The following E2F8 variants were observed in gnomAD, a reference collection of about 807,000 sequenced individuals.
The protein encoded by E2F8 is transcription factor E2F8.
Under a neutral mutation model 80.8 loss-of-function variants are expected in E2F8, and 35 were observed. That is an observed-to-expected ratio of 0.43 (90% CI 0.33 to 0.57). E2F8 has a LOEUF of 0.57. Ranked by LOEUF, E2F8 falls within the 20% of genes least tolerant of loss-of-function variation. The pLI is 0.04. For missense variants in E2F8, 975 were observed against 1,056.2 expected (o/e 0.92, Z 1.07); for synonymous variants, 386 against 395.0 (o/e 0.98, Z 0.27).
rs1851174926 is a variant in E2F8, at chr11:19,224,471, GTGT to G, written c.*184_*186del. 6.8e-6 allele frequency: 1 copy of G among 147,878 alleles called. No individual in the cohort carries two copies. The highest frequency in any genetic ancestry group is 6.8e-5 in the East Asian group (1 of 14,600). The allele number at this position is 147,878 out of a possible 1,614,324, so 9.2% of individuals were successfully genotyped here. ...TAAACTTAGCTTTATACAAATATATGTGTGTGTGTGTGTGTGTGTGTGTGTGTA... is the reference window on the plus strand; with the variant it reads ...TAAACTTAGCTTTATACAAATATATGGTGTGTGTGTGTGTGTGTGTGTGTA... On this transcript the variant is annotated 3_prime_UTR_variant, in exon 13 of 13. Transcript: ENST00000250024.
upstream of E2F8, chr11:19,241,556 G>C (rs1195134560): frequency 6.6e-6 from 1 of 152,456 alleles, no homozygotes; most frequent in East Asian, 1.9e-4. The surrounding 1 kb of genome is among the most constrained non-coding windows in gnomAD (Gnocchi z 4.5). Flanking sequence ...CCGGGACCGG[G>C]ACTGGCGGGC....
chr11:19,232,288 C>T lies in E2F8; in HGVS notation c.1012G>A (p.Gly338Ser). The T allele has an allele frequency of 6.2e-7, 1 of 1,614,188 alleles. No individual in the cohort carries two copies. The highest frequency in any genetic ancestry group is 8.5e-7 in the Non-Finnish European group (1 of 1,180,036). ...IKKVHVTEER[G>S]RKPAFKWTGP... Reference sequence around the variant, plus strand: ...GTCCATTTGAAAGCTGGTTTTCGGCCTCTTTCCTCTGTAACATGAACTTTC... The same window carrying T: ...GTCCATTTGAAAGCTGGTTTTCGGCTTCTTTCCTCTGTAACATGAACTTTC... The change falls in exon 7 of 13, where the codon GGC (glycine) becomes AGC (serine). Residue 338 changes from glycine to serine, a missense_variant. Physicochemically the swap from Gly to Ser is moderately conservative, Grantham distance 56 (BLOSUM62 0). Coordinates refer to ENST00000250024, the MANE Select transcript of E2F8 (RefSeq NM_024680.4).
At chr11:19,227,232 T>TA (rs2133556251) in intron 10 of E2F8, among the ~76,000 whole-genome samples, 1 of 152,314 alleles carries the variant, frequency 6.6e-6, no homozygotes, top group African/African-American at 2.4e-5. Context: ...AAGCTAAAAG[T>TA]ATACTACAAG....
At position 19,225,732 on chromosome 11, in the gene E2F8, C is replaced by T. The variant is rs1437937270; in HGVS notation, c.2026G>A (p.Gly676Ser). The change falls in exon 11 of 13, where the codon GGT becomes AGT. Residue 676 changes from glycine to serine, a missense_variant and splice_region_variant. Gly to Ser is a moderately conservative substitution (Grantham distance 56). Transcript: ENST00000250024. Reference protein sequence around the residue: ...NHRIYSSPIAGVIPVTSSELT... With the variant: ...NHRIYSSPIASVIPVTSSELT... The stretch of plus-strand genomic sequence containing the variant: ...TGGTTAGTGTTTTATGTGCACTCAC[C>T]TGCAATTGGGGAGCTGTAAATCCTG... 1 of 1,614,138 alleles carries T rather than the reference C, an allele frequency of 6.2e-7. No homozygotes were observed. The highest frequency in any genetic ancestry group is 1.1e-5 in the South Asian group (1 of 91,068).
At position 19,237,897 on chromosome 11, in the gene E2F8, A is replaced by G. The variant is rs1387265508; in HGVS notation, c.251T>C (p.Phe84Ser). The change falls in exon 3 of 13, where the codon TTT becomes TCT. Residue 84 changes from phenylalanine (F) to serine (S), a missense_variant. Transcript: ENST00000250024. Reference sequence around the variant, plus strand: ...CTCAGGTAATCCACTTCTGTTGTCAAACAAACCCCTTTTCTGATCTCTGTT... The same window carrying G: ...CTCAGGTAATCCACTTCTGTTGTCAGACAAACCCCTTTTCTGATCTCTGTT... ...IRNRDQKRGLFDNRSGLPEAK... is the reference protein window; with the variant it reads ...IRNRDQKRGLSDNRSGLPEAK... 5.6e-6 allele frequency: 9 copies of G among 1,613,942 alleles called. No individual in the cohort carries two copies. The East Asian group carries it at 1.3e-4, about 24-fold the overall frequency.
At chr11:19,226,422 G>GGCACACAGCA (rs1209696252) in intron 10 of E2F8, among the ~76,000 whole-genome samples, 1 of 152,138 alleles carries the variant, frequency 6.6e-6, no homozygotes, top group Non-Finnish European at 1.5e-5. Flanking sequence ...CTCCAAGTGG[G>GGCACACAGCA]GCACACAGCA....
rs1008081881 is a variant in E2F8 at position 19,233,922 on chromosome 11, G to T, written c.928+438C>A. The stretch of plus-strand genomic sequence containing the variant: ...TCCCAAAATTTGGGAGGCCGAGGTG[G>T]GTGGATCACGAGGTCAAGAGATCGA... On this transcript the variant is annotated intron_variant, in intron 6 of 12. Transcript: ENST00000250024. 1.5e-4 allele frequency among the ~76,000 whole-genome samples: 22 copies of T among 151,498 alleles called. No homozygotes were observed. The South Asian group carries it at 4.4e-3, about 30-fold the overall frequency.
chr11:19,229,826 T>A lies in E2F8; in HGVS notation c.1521A>T (p.Ala507=). The stretch of plus-strand genomic sequence containing the variant: ...GGGCCTGAGGTAGGATCAGGGGCAC[T>A]GCTGATGACAAGGGGCTGGGGATCA... The part of the protein sequence containing the change: ...VPLIPSPLSS[A]VPLILPQAPS... Residue 507 remains alanine (A), a synonymous_variant, in exon 10 of 13, where the codon GCA becomes GCT. Coordinates refer to ENST00000250024, the MANE Select transcript of E2F8 (RefSeq NM_024680.4). This position sits in a 1 kb window ranked among gnomAD's most constrained non-coding sequence, Gnocchi z 4.3. The A allele has an allele frequency of 6.2e-7, 1 of 1,613,898 alleles. No individual in the cohort carries two copies. The highest frequency in any genetic ancestry group is 8.5e-7 in the Non-Finnish European group (1 of 1,179,922).
At chr11:19,238,761 G>A (rs1336652551) in intron 2 of E2F8, among the ~76,000 whole-genome samples, 2 of 152,192 alleles carry the variant, frequency 1.3e-5, no homozygotes, top group Admixed American at 6.5e-5. Flanking sequence ...TCTGCTCTTT[G>A]AACATCCACT....
intron 6 of E2F8, among the ~76,000 whole-genome samples, chr11:19,233,385 T>C (rs1851428379): frequency 6.6e-6 from 1 of 152,104 alleles, no homozygotes; most frequent in African/African-American, 2.4e-5. Flanking sequence ...ATTTTATGAG[T>C]CATTTATAAA....
At chr11:19,235,418 G>A (rs764319275) in intron 4 of E2F8, among the ~76,000 whole-genome samples, 1 of 152,222 alleles carries the variant, frequency 6.6e-6, no homozygotes, top group Non-Finnish European at 1.5e-5. Context: ...GGAGGCCGAG[G>A]AGGGCGGATC....
At position 19,229,930 on chromosome 11, in the gene E2F8, C is replaced by T; in HGVS notation, c.1417G>A (p.Ala473Thr). The T allele has an allele frequency of 6.2e-7, 1 of 1,614,012 alleles. No homozygotes were observed. The highest frequency in any genetic ancestry group is 8.5e-7 in the Non-Finnish European group (1 of 1,179,992). Reference sequence around the variant, plus strand: ...GCATTCACTGGGGGGTCCAGAGGGGCTACTGGTTTGCAGGGTCCAGATCTT... The same window carrying T: ...GCATTCACTGGGGGGTCCAGAGGGGTTACTGGTTTGCAGGGTCCAGATCTT... ...LARSGPCKPVAPLDPPVNAEM... is the reference protein window; with the variant it reads ...LARSGPCKPVTPLDPPVNAEM... The change falls in exon 10 of 13, where the codon GCC becomes ACC. Residue 473 changes from alanine (A) to threonine (T), a missense_variant. Coordinates refer to ENST00000250024, the MANE Select transcript of E2F8 (RefSeq NM_024680.4). The surrounding 1 kb of genome is among the most constrained non-coding windows in gnomAD (Gnocchi z 4.3).
chr11:19,235,088 G>A, intron 4 of E2F8, 30 bp from the exon 5 acceptor site: 1 of 1,556,454 alleles, frequency 6.4e-7, no homozygotes, highest in South Asian at 1.2e-5. Flanking sequence ...GTGTGTTACA[G>A]ATTTTTGTAA....
At chr11:19,226,186 G>T (rs1254558618) in intron 10 of E2F8, 1 of 268,438 alleles carries the variant, frequency 3.7e-6, no homozygotes, top group Non-Finnish European at 7.1e-6. Flanking sequence ...CTTAACTCTT[G>T]CTACTGGACT....
Position 19,230,816 on chromosome 11 carries a change from T to C in E2F8, c.1085A>G (p.His362Arg), listed in dbSNP as rs1283331179. The change falls in exon 8 of 13, where the codon CAT becomes CGT. Residue 362 changes from histidine to arginine, a missense_variant. By Grantham distance (29) the His-to-Arg change is conservative (BLOSUM62 0). Coordinates refer to ENST00000250024, the MANE Select transcript of E2F8 (RefSeq NM_024680.4). ...CACCTCCAAATCAGAGGGAGTAAAATGAATGACTGGGCTGGAGCCTGAAAC... is the reference window on the plus strand; with the variant it reads ...CACCTCCAAATCAGAGGGAGTAAAACGAATGACTGGGCTGGAGCCTGAAAC... ...PNTSGSSPVI[H>R]FTPSDLEVRR... 6.2e-7 allele frequency: 1 copy of C among 1,614,124 alleles called. No individual in the cohort carries two copies. Among genetic ancestry groups the C allele is most frequent in the Admixed American group, 1.7e-5 (1 of 60,014 alleles).
chr11:19,236,404 T>C (rs1851518633), intron 4 of E2F8, among the ~76,000 whole-genome samples: 1 of 152,224 alleles, frequency 6.6e-6, no homozygotes, highest in African/African-American at 2.4e-5. Flanking sequence ...ACTTCCTATA[T>C]CCTTTACTCA....
chr11:19,237,144 T>G (rs944482214), intron 4 of E2F8, among the ~76,000 whole-genome samples, 170 bp downstream of exon 4: 1 of 152,230 alleles, frequency 6.6e-6, no homozygotes, highest in African/African-American at 2.4e-5. Flanking sequence ...AATTTGCAAC[T>G]ACTTACCTTC....
chr11:19,230,511 G>C, intron 8 of E2F8, 120 bp downstream of exon 8: 1 of 1,272,290 alleles, frequency 7.9e-7, no homozygotes, highest in East Asian at 2.4e-5. Context: ...CTTCAAGAGG[G>C]TTTGGGTATA....
rs793274 is a variant in E2F8 at position 19,225,738 on chromosome 11, T to C, written c.2020A>G (p.Ile674Val). ...GTGTTTTATGTGCACTCACCTGCAA[T>C]TGGGGAGCTGTAAATCCTGTGGTTT... is the stretch of plus-strand genomic sequence containing the variant. The part of the protein sequence containing the change: ...SPNHRIYSSP[I>V]AGVIPVTSSE... Residue 674 changes from isoleucine (I) to valine (V), a missense_variant, in exon 11 of 13, where the codon ATT (isoleucine) becomes GTT (valine). Physicochemically the swap from Ile to Val is conservative, Grantham distance 29 (BLOSUM62 3). Transcript: ENST00000250024. 4,470 of 1,614,170 alleles carry C rather than the reference T, an allele frequency of 2.8e-3. 116 individuals carry two copies. In the African/African-American group the frequency reaches 0.052, roughly 19 times the overall value.
Sources: gnomAD v4.1 joint callset for allele counts (sites outside exome capture counted in the v4.1 genomes callset) on GRCh38, gnomAD v4.1.1 for gene constraint, Gnocchi (gnomAD v3.1) non-coding constraint, MANE v1.5 for transcripts, NCBI Gene and HGNC (gene_info 2026-07-23, HGNC 2026-07-21) for gene names.